SLC6A2: variants seen among roughly 807,000 people sequenced by gnomAD.
SLC6A2 encodes the protein sodium-dependent noradrenaline transporter.
SLC6A2 carries 26 observed loss-of-function variants against 71.7 expected under a neutral mutation model. The observed-to-expected ratio is 0.36, with a 90% confidence interval of 0.27 to 0.50. The LOEUF (loss-of-function observed/expected upper bound fraction) is 0.50, where lower values mean the gene tolerates loss of function less well. SLC6A2 is among the 20% of genes least tolerant of loss of function. The pLI is 0.96. For synonymous variants in SLC6A2, 363 were observed against 337.9 expected (o/e 1.07, Z -0.82); for missense variants, 581 against 803.9 (o/e 0.72, Z 3.35).
chr16:55,682,922 T>C (rs1448709131), intron 4 of SLC6A2, among the ~76,000 whole-genome samples: 1 of 152,110 alleles, frequency 6.6e-6, no homozygotes, highest in Non-Finnish European at 1.5e-5. Flanking sequence ...TTGCCTCCCA[T>C]GCTACGATAC....
At chr16:55,696,154 A>C in intron 8 of SLC6A2, 71 bp from the exon 9 acceptor site, 2 of 926,492 alleles carry the variant, frequency 2.2e-6, no homozygotes, top group Non-Finnish European at 3.6e-6. Flanking sequence ...GGGCCCCCAG[A>C]TACTCCCCTA....
At position 55,702,762 on chromosome 16, in the gene SLC6A2, C is replaced by A. The variant is rs55916165; in HGVS notation, c.*416C>A. On this transcript the variant is annotated 3_prime_UTR_variant, in exon 15 of 15. Transcript: ENST00000568943. ...ATACCCCTCCCAAAAAAAAAAAAAA[C>A]TAAAACTAAAGCAAAAATCAAACAA... The A allele has an allele frequency of 0.047, 28,100 of 591,940 alleles. 418 individuals are homozygous for A. The highest frequency in any genetic ancestry group is 0.13 in the African/African-American group (2,990 of 23,670). 36.7% of individuals were successfully genotyped at this position (591,940 alleles called of 1,614,324 possible). A position where few individuals can be genotyped will look rare whatever the true frequency, so the allele number is the denominator to read the frequency against.
intron 2 of SLC6A2, among the ~76,000 whole-genome samples, chr16:55,663,699 C>T (rs1378349784): frequency 6.6e-6 from 1 of 152,160 alleles, no homozygotes; most frequent in Non-Finnish European, 1.5e-5. Flanking sequence ...GCTCAAAATA[C>T]CAATAGCCCT....
In SLC6A2 at chr16:55,672,054, G is replaced by A; in HGVS notation, c.523G>A (p.Asp175Asn). The A allele has an allele frequency of 6.2e-7, 1 of 1,614,128 alleles. No individual in the cohort carries two copies. The highest frequency in any genetic ancestry group is 8.5e-7 in the Non-Finnish European group (1 of 1,180,020). ...SSFTLNLPWT[D>N]CGHTWNSPNC... ...CTTCACCCTCAACCTGCCCTGGACC[G>A]ACTGTGGCCACACCTGGAACAGCCC... Residue 175 changes from aspartate to asparagine, a missense_variant, in exon 4 of 15, where the codon GAC becomes AAC. Transcript: ENST00000568943.
At chr16:55,694,366 G>A (rs1290400089) in intron 7 of SLC6A2, among the ~76,000 whole-genome samples, 2 of 152,134 alleles carry the variant, frequency 1.3e-5, no homozygotes, top group Non-Finnish European at 2.9e-5. Flanking sequence ...ACCACTGAGA[G>A]ATGGGTAGTT....
intron 2 of SLC6A2, 142 bp downstream of exon 2, chr16:55,657,110 T>A: frequency 1.2e-6 from 1 of 848,050 alleles, no homozygotes; most frequent in Non-Finnish European, 1.8e-6. Context: ...TGGACAGGGC[T>A]AACGGGAAAA....
Position 55,687,878 on chromosome 16 carries a change from G to C in SLC6A2, c.783+2597G>C, listed in dbSNP as rs116269501. Among the ~76,000 whole-genome samples, 682 of 152,330 alleles carry C rather than the reference G, an allele frequency of 4.5e-3. 6 individuals are homozygous for C. Among genetic ancestry groups the C allele is most frequent in the African/African-American group, 0.014 (579 of 41,572 alleles). On this transcript the variant is annotated intron_variant, in intron 5 of 14. Coordinates refer to ENST00000568943, the MANE Select transcript of SLC6A2 (RefSeq NM_001172501.3). ...GGAGGAGTAAGGCTGAGCATGCTCA[G>C]TTCTTTCCAAAATACACCTTCAGAG...
chr16:55,698,088 A>G, intron 10 of SLC6A2, 63 bp downstream of exon 10: 1 of 1,558,424 alleles, frequency 6.4e-7, no homozygotes, highest in Non-Finnish European at 8.9e-7. Flanking sequence ...AATAAAGTCA[A>G]ACATTCCTAG....
chr16:55,687,501 C>A (rs1413679347), intron 5 of SLC6A2, among the ~76,000 whole-genome samples: 9 of 152,152 alleles, frequency 5.9e-5, no homozygotes, highest in African/African-American at 2.2e-4. Context: ...GGATTCTTAG[C>A]AGAAGGAACT....
chr16:55,700,292 G>A lies in SLC6A2; in HGVS notation c.1744G>A (p.Gly582Ser). ...CATCTATAAGTTCCTCAGCACGCAG[G>A]GCTCTCTTTGGGAGGTGAGCTCTGG... Reference protein sequence around the residue: ...YVIYKFLSTQGSLWERLAYGI... With the variant: ...YVIYKFLSTQSSLWERLAYGI... Residue 582 changes from glycine to serine, a missense_variant, in exon 13 of 15, where the codon GGC (glycine) becomes AGC (serine). Gly to Ser is a moderately conservative substitution (Grantham distance 56). This residue lies in a region of SLC6A2 where 334 missense variants were observed against 449.0 expected (regional missense o/e 0.74). Coordinates refer to ENST00000568943, the MANE Select transcript of SLC6A2 (RefSeq NM_001172501.3). 1.2e-6 allele frequency: 2 copies of A among 1,613,634 alleles called. No individual in the cohort carries two copies. The highest frequency in any genetic ancestry group is 1.7e-6 in the Non-Finnish European group (2 of 1,179,694).
At chr16:55,671,298 C>T (rs1268179376) in intron 3 of SLC6A2, among the ~76,000 whole-genome samples, 3 of 152,000 alleles carry the variant, frequency 2.0e-5, no homozygotes, top group Admixed American at 1.3e-4. Flanking sequence ...GCCCAGGGGG[C>T]GAGGGAGCTG....
At chr16:55,665,532 T>G (rs1335633612) in intron 2 of SLC6A2, among the ~76,000 whole-genome samples, 1 of 152,120 alleles carries the variant, frequency 6.6e-6, no homozygotes, top group Non-Finnish European at 1.5e-5. Context: ...GTGGCCAGAA[T>G]TCACAGTTCG....
chr16:55,656,682 G>T lies in SLC6A2; in HGVS notation c.-13G>T. On this transcript the variant is annotated 5_prime_UTR_variant, in exon 2 of 15. Coordinates refer to ENST00000568943, the MANE Select transcript of SLC6A2 (RefSeq NM_001172501.3). The surrounding 1 kb of genome is among the most constrained non-coding windows in gnomAD (Gnocchi z 4.5). ...CCCCAGGACCGGTAAAGTTCCTCTCGCCAGCCGCATCCATGCTTCTGGCGC... is the reference window on the plus strand; with the variant it reads ...CCCCAGGACCGGTAAAGTTCCTCTCTCCAGCCGCATCCATGCTTCTGGCGC... The T allele has an allele frequency of 6.2e-7, 1 of 1,611,410 alleles. No homozygotes were observed. Among genetic ancestry groups the T allele is most frequent in the Non-Finnish European group, 8.5e-7 (1 of 1,179,858 alleles).
chr16:55,677,449 G>T (rs1049101509), intron 4 of SLC6A2, among the ~76,000 whole-genome samples: 1 of 152,054 alleles, frequency 6.6e-6, no homozygotes, highest in Non-Finnish European at 1.5e-5. Flanking sequence ...TGATTCCTCC[G>T]CTGATGTCTT....
At chr16:55,693,808 A>C (rs1018671281) in intron 6 of SLC6A2, among the ~76,000 whole-genome samples, 1 of 152,156 alleles carries the variant, frequency 6.6e-6, no homozygotes, top group Non-Finnish European at 1.5e-5. Flanking sequence ...AGGCTGGGAG[A>C]TGCTAGAGAG....
In SLC6A2 at chr16:55,669,584, C is replaced by G; in HGVS notation, c.294C>G (p.Tyr98Ter). The G allele has an allele frequency of 6.2e-7, 1 of 1,614,062 alleles. No individual in the cohort carries two copies. Among genetic ancestry groups the G allele is most frequent in the Non-Finnish European group, 8.5e-7 (1 of 1,179,942 alleles). ...KNGGGAFLIP[Y>*]TLFLIIAGMP... ...CTCCAGGTGCCTTCTTGATCCCGTA[C>G]ACACTGTTCCTTATCATCGCGGGGA... The change falls in exon 3 of 15, where the codon TAC (tyrosine) becomes TAG (stop). Residue 98 changes from tyrosine (Y) to a stop codon, truncating the protein, a stop_gained. Coordinates refer to ENST00000568943, the MANE Select transcript of SLC6A2 (RefSeq NM_001172501.3). LOFTEE classifies it high-confidence loss of function.
At position 55,699,741 on chromosome 16, in the gene SLC6A2, G is replaced by A; in HGVS notation, c.1590+87G>A. 9 of 987,290 alleles carry A rather than the reference G, an allele frequency of 9.1e-6. No individual in the cohort carries two copies. The South Asian group carries it at 1.2e-4, about 13-fold the overall frequency. 61.2% of individuals were successfully genotyped at this position (987,290 alleles called of 1,614,324 possible). ...GGGTGAGGATATTTGCTTCTTAGGG[G>A]AGGAGGCTCTGGGATCCAGAGGCCC... On this transcript the variant is annotated intron_variant, in intron 12 of 14. Transcript: ENST00000568943.
chr16:55,668,618 C>G (rs1200265100), intron 2 of SLC6A2, among the ~76,000 whole-genome samples: 2 of 152,074 alleles, frequency 1.3e-5, no homozygotes, highest in Admixed American at 6.6e-5. Flanking sequence ...GACATGTGTC[C>G]CAGTGAGTCA....
chr16:55,676,321 A>G (rs1965085715), intron 4 of SLC6A2, among the ~76,000 whole-genome samples: 1 of 152,144 alleles, frequency 6.6e-6, no homozygotes. Flanking sequence ...TTTTCTGCTA[A>G]CTTCCTCCTA....
Sources: allele counts gnomAD v4.1 joint callset (sites outside exome capture counted in the v4.1 genomes callset), GRCh38; gene constraint gnomAD v4.1.1; regional missense constraint gnomAD v4.1.1; non-coding constraint Gnocchi (gnomAD v3.1); transcripts MANE v1.5; gene names NCBI Gene and HGNC (gene_info 2026-07-23, HGNC 2026-07-21).